Variants in PDE4D observed in about 807,000 individuals in gnomAD.
The protein encoded by PDE4D is 3',5'-cyclic-AMP phosphodiesterase 4D.
Under a neutral mutation model 87.4 loss-of-function variants are expected in PDE4D, and 24 were observed. That is an observed-to-expected ratio of 0.27 (90% confidence interval 0.20 to 0.39). PDE4D has a LOEUF of 0.39. Among genes scored for constraint, PDE4D ranks in the 10% least tolerant of loss-of-function variants. The probability of loss-of-function intolerance (pLI) is 1.00; values close to 1 mark genes in which losing one functional copy is unlikely to be tolerated. For missense variants in PDE4D, 714 were observed against 1,041.0 expected (o/e 0.69, Z 4.32); for synonymous variants, 384 against 383.2 (o/e 1.00, Z -0.02).
At chr5:59,081,657 A>G (rs540940804) in intron 5 of PDE4D, among the ~76,000 whole-genome samples, 1 of 152,142 alleles carries the variant, frequency 6.6e-6, no homozygotes, top group East Asian at 1.9e-4. Context: ...ATGGTTTTGT[A>G]TATCTTTTCC....
At chr5:59,966,365 A>C (rs1760054698) in intron 3 of PDE4D, among the ~76,000 whole-genome samples, 1 of 152,194 alleles carries the variant, frequency 6.6e-6, no homozygotes. Flanking sequence ...AGATTCTTAT[A>C]ATCCTTTCAG....
intron 5 of PDE4D, among the ~76,000 whole-genome samples, chr5:59,070,226 C>T (rs1245225677): frequency 2.6e-5 from 4 of 152,022 alleles, no homozygotes; most frequent in African/African-American, 9.7e-5. Context: ...GAACTTATTA[C>T]AAGAGTGATC....
In PDE4D at chr5:60,256,027, T is replaced by C. The variant is rs188213004; in HGVS notation, c.-89-70340A>G. On this transcript the variant is annotated intron_variant, in intron 1 of 16. Coordinates refer to the PDE4D transcript ENST00000502484. ...TCAAAGAAAGAGCTCACAATTTCAG[T>C]ATTGCATTTGGAATCTCAGAATTTA... is the stretch of plus-strand genomic sequence containing the variant. 2.0e-5 allele frequency among the ~76,000 whole-genome samples: 3 copies of C among 152,064 alleles called. 1 individual carries two copies. The highest frequency in any genetic ancestry group is 7.2e-5 in the African/African-American group (3 of 41,532).
At chr5:59,706,984 T>C (rs1226142991) in intron 1 of PDE4D, among the ~76,000 whole-genome samples, 1 of 152,134 alleles carries the variant, frequency 6.6e-6, no homozygotes, top group East Asian at 1.9e-4. Context: ...AATACAGACA[T>C]AGTGTCTGTA....
intron 1 of PDE4D, among the ~76,000 whole-genome samples, chr5:60,450,665 A>T (rs1202319559): frequency 6.6e-6 from 1 of 152,160 alleles, no homozygotes; most frequent in African/African-American, 2.4e-5. Context: ...TAGGGCCACT[A>T]TTATACTTCT....
At chr5:60,337,924 AT>A (rs1757960080) in intron 1 of PDE4D, among the ~76,000 whole-genome samples, 1 of 152,094 alleles carries the variant, frequency 6.6e-6, no homozygotes, top group African/African-American at 2.4e-5. Context: ...ACAAATAATA[AT>A]AAAAAAAAAG....
At chr5:59,704,366 C>T (rs1753067097) in intron 1 of PDE4D, among the ~76,000 whole-genome samples, 1 of 152,172 alleles carries the variant, frequency 6.6e-6, no homozygotes, top group Admixed American at 6.6e-5. Flanking sequence ...TTAGTGAAAA[C>T]ATGCTTAATG....
chr5:60,246,393 T>G (rs193066367), intron 1 of PDE4D, among the ~76,000 whole-genome samples: 3 of 151,950 alleles, frequency 2.0e-5, no homozygotes, highest in African/African-American at 7.2e-5. Context: ...CAAATCTTCC[T>G]GTGCTCTCCT....
In PDE4D at chr5:59,413,961, T is replaced by C. The variant is rs192548323; in HGVS notation, c.456-197993A>G. The stretch of plus-strand genomic sequence containing the variant: ...ACACACACATATATATATCTGTGCA[T>C]ATCTGCTCAGAATTCTATTATGCAT... On this transcript the variant is annotated intron_variant, in intron 1 of 14. Coordinates refer to ENST00000340635, the MANE Select transcript of PDE4D (RefSeq NM_001104631.2). 4.7e-4 allele frequency among the ~76,000 whole-genome samples: 71 copies of C among 152,336 alleles called. 1 individual carries two copies. Among genetic ancestry groups the C allele is most frequent in the Admixed American group, 2.8e-3 (43 of 15,296 alleles).
chr5:59,250,150 G>A (rs1323709301), intron 1 of PDE4D, among the ~76,000 whole-genome samples: 1 of 151,654 alleles, frequency 6.6e-6, no homozygotes, highest in Admixed American at 6.6e-5. Flanking sequence ...CCTCTTGCTA[G>A]GTTTTTAAAG....
intron 1 of PDE4D, among the ~76,000 whole-genome samples, chr5:59,787,695 C>T (rs1765322630): frequency 6.6e-6 from 1 of 152,146 alleles, no homozygotes; most frequent in South Asian, 2.1e-4. Flanking sequence ...GAAGTGATTA[C>T]TAGAAAATAT....
At chr5:59,463,652 C>T (rs1801107619) in intron 1 of PDE4D, among the ~76,000 whole-genome samples, 1 of 152,290 alleles carries the variant, frequency 6.6e-6, no homozygotes, top group South Asian at 2.1e-4. Flanking sequence ...GTGCTCAGTG[C>T]AGAGAGATTT....
At chr5:60,144,047 C>T (rs182860272) in intron 2 of PDE4D, among the ~76,000 whole-genome samples, 1 of 152,276 alleles carries the variant, frequency 6.6e-6, no homozygotes, top group Admixed American at 6.5e-5. Flanking sequence ...CCTAGTCACT[C>T]TGCAAACACT....
intron 5 of PDE4D, among the ~76,000 whole-genome samples, chr5:59,072,044 C>CT (rs1764932555): frequency 6.6e-6 from 1 of 152,060 alleles, no homozygotes. Context: ...CTTTCACTTA[C>CT]TTTTTCTAAG....
chr5:60,496,174 C>T (rs534186439), intron 1 of PDE4D, among the ~76,000 whole-genome samples: 1 of 152,206 alleles, frequency 6.6e-6, no homozygotes, highest in Admixed American at 6.5e-5. Flanking sequence ...ATGGGATGGC[C>T]GTTCAGGAAA....
intron 2 of PDE4D, among the ~76,000 whole-genome samples, chr5:60,068,930 C>T (rs1397788609): frequency 6.6e-6 from 1 of 152,150 alleles, no homozygotes; most frequent in Non-Finnish European, 1.5e-5. Context: ...TCCATGAAAC[C>T]ATTGCCAAGA....
intron 2 of PDE4D, among the ~76,000 whole-genome samples, chr5:60,031,303 C>T (rs1767218635): frequency 6.6e-6 from 1 of 152,158 alleles, no homozygotes; most frequent in African/African-American, 2.4e-5. Context: ...AAAGGCCTTT[C>T]ACTGGCAAAT....
At chr5:59,178,280 T>C (rs533687841) in intron 5 of PDE4D, among the ~76,000 whole-genome samples, 17 of 151,994 alleles carry the variant, frequency 1.1e-4, no homozygotes, top group African/African-American at 4.1e-4. Flanking sequence ...CCAGTTTTAG[T>C]CAGTTCATTT....
chr5:60,293,539 G>T (rs77321969), intron 1 of PDE4D, among the ~76,000 whole-genome samples: 4,987 of 152,106 alleles, frequency 0.033, 124 homozygotes, highest in Middle Eastern at 0.085. Flanking sequence ...ACAAAAAAAA[G>T]ATGTAACCCA....
Sources: allele counts gnomAD v4.1 joint callset (sites outside exome capture counted in the v4.1 genomes callset), GRCh38; gene constraint gnomAD v4.1.1; transcripts MANE v1.5; gene names NCBI Gene and HGNC (gene_info 2026-07-23, HGNC 2026-07-21).